Variants in LY96 observed in about 807,000 individuals in gnomAD.
LY96 encodes the protein lymphocyte antigen 96, also known as myeloid differentiation protein-2.
Under a neutral mutation model 18.9 loss-of-function variants are expected in LY96, and 18 were observed. The observed-to-expected ratio is 0.95, with a 90% confidence interval of 0.66 to 1.41. LY96 has a LOEUF of 1.41. Among genes scored for constraint, LY96 ranks in the 40% most tolerant of loss-of-function variants. The pLI, the probability that LY96 is intolerant of heterozygous loss-of-function variation, is 0.00. For missense variants in LY96, 175 were observed against 182.4 expected (o/e 0.96, Z 0.23); for synonymous variants, 66 against 62.6 (o/e 1.06, Z -0.26).
In LY96 at chr8:73,992,875, T is replaced by A. The variant is rs553431267; in HGVS notation, c.112+1321T>A. Among the ~76,000 whole-genome samples the A allele has an allele frequency of 5.2e-3, 777 of 150,684 alleles. 2 individuals carry two copies. Among genetic ancestry groups the A allele is most frequent in the Middle Eastern group, 0.017 (5 of 292 alleles). ...GTGTGTGTGTGTGTGTGTGTGTGTG[T>A]GACAGAGTTTTGCTCTGTTGCCAGG... is the stretch of plus-strand genomic sequence containing the variant. On this transcript the variant is annotated intron_variant, in intron 1 of 4. Transcript: ENST00000284818.
chr8:74,056,846 T>C, the LY96 span, among the ~76,000 whole-genome samples: 2 of 152,188 alleles, frequency 1.3e-5, no homozygotes, highest in Admixed American at 6.5e-5. Context: ...TGATTTTGTC[T>C]TGTAAGACCC....
intron 2 of LY96, 105 bp downstream of exon 2, chr8:74,004,990 G>A (rs1816382939): frequency 1.2e-5 from 15 of 1,236,076 alleles, no homozygotes; most frequent in East Asian, 5.0e-5. Flanking sequence ...CTATTGCTAC[G>A]TAACAAATTA....
At chr8:74,080,008 G>A in the LY96 span, among the ~76,000 whole-genome samples, 1 of 152,158 alleles carries the variant, frequency 6.6e-6, no homozygotes, top group Non-Finnish European at 1.5e-5. Flanking sequence ...GTAAGGGAGG[G>A]CCAGTTTCTT....
intron 1 of LY96, among the ~76,000 whole-genome samples, chr8:73,999,711 G>A (rs1204876341): frequency 1.3e-5 from 2 of 151,944 alleles, no homozygotes; most frequent in African/African-American, 4.8e-5. Context: ...TAGAGACAGG[G>A]TCTTGCTATA....
intron 3 of LY96, among the ~76,000 whole-genome samples, chr8:74,015,891 C>T (rs73335849): frequency 0.049 from 7,430 of 152,268 alleles, 605 homozygotes; most frequent in African/African-American, 0.17. Flanking sequence ...TGGAAGGGTC[C>T]GTTCCAAGAT....
At chr8:74,071,454 C>T in the LY96 span, among the ~76,000 whole-genome samples, 1 of 151,754 alleles carries the variant, frequency 6.6e-6, no homozygotes, top group African/African-American at 2.4e-5. Flanking sequence ...TTGAACCCAT[C>T]TGACTCCAGA....
chr8:73,998,851 C>T (rs2131255693), intron 1 of LY96, among the ~76,000 whole-genome samples: 1 of 152,244 alleles, frequency 6.6e-6, no homozygotes, highest in South Asian at 2.1e-4. Flanking sequence ...TGTCTTTGAT[C>T]AATTTATTTT....
At chr8:74,098,956 G>A in the LY96 span, among the ~76,000 whole-genome samples, 1 of 152,124 alleles carries the variant, frequency 6.6e-6, no homozygotes, top group Non-Finnish European at 1.5e-5. Context: ...ATGAAAAGGA[G>A]GATGCCTCTC....
intron 1 of LY96, among the ~76,000 whole-genome samples, chr8:73,992,134 A>T (rs7829369): frequency 0.25 from 37,890 of 152,028 alleles, 5,038 homozygotes; most frequent in Non-Finnish European, 0.3. Flanking sequence ...GCATAGGGTC[A>T]CATAGAGACA....
At chr8:73,999,768 C>T (rs570941108) in intron 1 of LY96, among the ~76,000 whole-genome samples, 1 of 152,318 alleles carries the variant, frequency 6.6e-6, no homozygotes, top group African/African-American at 2.4e-5. Context: ...ATCCTTCCAC[C>T]TCTGCCTCCC....
downstream of LY96, among the ~76,000 whole-genome samples, chr8:74,030,038 A>G (rs572609462): frequency 4.6e-5 from 7 of 152,338 alleles, no homozygotes; most frequent in Non-Finnish European, 1.0e-4. Flanking sequence ...TTGACCTAAA[A>G]GGAAGAAGCT....
chr8:74,066,984 G>A, the LY96 span, among the ~76,000 whole-genome samples: 1 of 152,212 alleles, frequency 6.6e-6, no homozygotes. Context: ...CATCCTAGGA[G>A]TTGACAGTAG....
At chr8:74,095,395 T>C in the LY96 span, among the ~76,000 whole-genome samples, 1 of 152,130 alleles carries the variant, frequency 6.6e-6, no homozygotes, top group Non-Finnish European at 1.5e-5. Flanking sequence ...GATTGTTGCT[T>C]CTTCCTCCAT....
At chr8:74,081,077 T>TC in the LY96 span, among the ~76,000 whole-genome samples, 14 of 104,098 alleles carry the variant, frequency 1.3e-4, no homozygotes, top group African/African-American at 5.4e-4. Context: ...ACTTTCTTTC[T>TC]TCTCTTTCTC....
intron 4 of LY96, among the ~76,000 whole-genome samples, chr8:74,028,255 G>C (rs1816909690): frequency 6.6e-6 from 1 of 152,068 alleles, no homozygotes; most frequent in African/African-American, 2.4e-5. Flanking sequence ...AGGTCTTTTG[G>C]TATTTTTTCT....
chr8:74,061,089 C>G, the LY96 span, among the ~76,000 whole-genome samples: 1 of 152,174 alleles, frequency 6.6e-6, no homozygotes, highest in Non-Finnish European at 1.5e-5. Context: ...CCAAATCAAG[C>G]CCTTTGAGGA....
the LY96 span, among the ~76,000 whole-genome samples, chr8:74,053,558 C>T: frequency 7.9e-5 from 12 of 152,162 alleles, no homozygotes; most frequent in Non-Finnish European, 1.8e-4. Flanking sequence ...ACTGAATCAT[C>T]CACAGCTCCT....
the LY96 span, among the ~76,000 whole-genome samples, chr8:74,064,677 G>A: frequency 6.6e-6 from 1 of 152,066 alleles, no homozygotes; most frequent in Non-Finnish European, 1.5e-5. Flanking sequence ...TATACAGCCT[G>A]CAGAACTGGG....
the LY96 span, among the ~76,000 whole-genome samples, chr8:74,047,167 C>T: frequency 2.5e-4 from 38 of 152,242 alleles, 1 homozygote; most frequent in African/African-American, 8.7e-4. Flanking sequence ...GGATTACAGG[C>T]GTGAGCCACA....
Sources: gnomAD v4.1 joint callset for allele counts (sites outside exome capture counted in the v4.1 genomes callset) on GRCh38, gnomAD v4.1.1 for gene constraint, MANE v1.5 for transcripts, NCBI Gene and HGNC (gene_info 2026-07-23, HGNC 2026-07-21) for gene names.